SLC18B1: variants seen among roughly 807,000 people sequenced by gnomAD.
SLC18B1 encodes MFS-type transporter SLC18B1.
A neutral mutation model predicts 53.9 loss-of-function variants in SLC18B1; 62 were observed. That is an observed-to-expected ratio of 1.15 (90% CI 0.94 to 1.42). The LOEUF (loss-of-function observed/expected upper bound fraction) is 1.42, where lower values mean the gene tolerates loss of function less well. Ranked by LOEUF, SLC18B1 falls within the 40% of genes most tolerant of loss-of-function variation. The probability of loss-of-function intolerance (pLI) is 0.00; values close to 1 mark genes in which losing one functional copy is unlikely to be tolerated. For synonymous variants in SLC18B1, 217 were observed against 200.9 expected, an observed-to-expected ratio of 1.08 and a Z score of -0.68; for missense variants, 598 against 547.3, an observed-to-expected ratio of 1.09 and a Z score of -0.93.
chr6:132,795,082 G>A (rs1009192641), intron 2 of SLC18B1, among the ~76,000 whole-genome samples: 37 of 151,652 alleles, frequency 2.4e-4, no homozygotes, highest in African/African-American at 8.7e-4. Flanking sequence ...CACACTCCAT[G>A]TATGGCAGAA....
chr6:132,787,663 G>T, intron 4 of SLC18B1, 82 bp from the exon 5 acceptor site: 1 of 1,222,680 alleles, frequency 8.2e-7, no homozygotes, highest in Non-Finnish European at 1.1e-6. Flanking sequence ...TCACTAAAAA[G>T]AATAGTACCT....
intron 6 of SLC18B1, among the ~76,000 whole-genome samples, chr6:132,780,299 A>G (rs1476717778): frequency 2.6e-5 from 4 of 151,870 alleles, no homozygotes; most frequent in South Asian, 2.1e-4. Context: ...GGGTCTCCCT[A>G]TGTTGCCCAG....
In SLC18B1 at chr6:132,776,435, A is replaced by G. The variant is rs775355046; in HGVS notation, c.796-6T>C. 1.9e-6 allele frequency: 3 copies of G among 1,603,130 alleles called. No homozygotes were observed. Among genetic ancestry groups the G allele is most frequent in the Non-Finnish European group, 2.6e-6 (3 of 1,171,466 alleles). ...TATCCAGCTGGTAAATTGAACTGTA[A>G]AAGAAATCCTATATTAAAGTTACAT... On this transcript the variant is annotated splice_region_variant and splice_polypyrimidine_tract_variant and intron_variant, in intron 7 of 13. Coordinates refer to ENST00000275227, the MANE Select transcript of SLC18B1 (RefSeq NM_052831.3).
intron 2 of SLC18B1, among the ~76,000 whole-genome samples, chr6:132,792,994 G>A (rs1371858749): frequency 2.6e-5 from 4 of 152,146 alleles, no homozygotes; most frequent in Non-Finnish European, 4.4e-5. Context: ...GGTGATGCGC[G>A]CCTGTAATCC....
At chr6:132,782,827 C>G (rs531605694) in intron 6 of SLC18B1, among the ~76,000 whole-genome samples, 1 of 149,410 alleles carries the variant, frequency 6.7e-6, no homozygotes, top group Non-Finnish European at 1.5e-5. Flanking sequence ...CAGGCTGGAG[C>G]GCAGTGGCAT....
chr6:132,793,053 G>A (rs1280951084), intron 2 of SLC18B1, among the ~76,000 whole-genome samples: 2 of 152,114 alleles, frequency 1.3e-5, no homozygotes, highest in African/African-American at 2.4e-5. Context: ...CTCAGGAGGC[G>A]GAGGTTGCAG....
chr6:132,773,656 G>C (rs1259818790), intron 9 of SLC18B1, among the ~76,000 whole-genome samples: 7 of 152,286 alleles, frequency 4.6e-5, no homozygotes, highest in African/African-American at 1.7e-4. Flanking sequence ...TTAGTACATG[G>C]CAAAGCCAAA....
chr6:132,785,458 G>A (rs1471449480), intron 5 of SLC18B1, among the ~76,000 whole-genome samples: 2 of 152,186 alleles, frequency 1.3e-5, no homozygotes, highest in Non-Finnish European at 2.9e-5. Flanking sequence ...ACAGAGATCT[G>A]TGGCTTGCAG....
chr6:132,781,603 A>C (rs1246246649), intron 6 of SLC18B1, among the ~76,000 whole-genome samples: 1 of 152,044 alleles, frequency 6.6e-6, no homozygotes, highest in African/African-American at 2.4e-5. Flanking sequence ...CTAAAAATAC[A>C]AAAATCAGCC....
intron 6 of SLC18B1, among the ~76,000 whole-genome samples, chr6:132,781,689 G>A (rs1273956291): frequency 4.6e-5 from 7 of 151,496 alleles, no homozygotes; most frequent in Admixed American, 1.3e-4. Context: ...CCCGGGAGGC[G>A]GAGGTTGCAA....
intron 2 of SLC18B1, among the ~76,000 whole-genome samples, chr6:132,795,016 C>T (rs1336736775): frequency 6.6e-6 from 1 of 151,978 alleles, no homozygotes; most frequent in Non-Finnish European, 1.5e-5. Context: ...AAAAAAAAGC[C>T]CCAACTTAGA....
rs372330016 is a variant in SLC18B1 at position 132,788,093 on chromosome 6, G to A, written c.354-512C>T. On this transcript the variant is annotated intron_variant, in intron 4 of 13. Transcript: ENST00000275227. ...GGAGAATGGCATGAACCTGGGCGGC[G>A]CAGTTTGCAGTGAGCCGAGATCGTG... Among the ~76,000 whole-genome samples the A allele has an allele frequency of 7.7e-4, 117 of 151,564 alleles. 2 individuals are homozygous for A. Among genetic ancestry groups the A allele is most frequent in the Admixed American group, 5.8e-3 (88 of 15,212 alleles).
In SLC18B1 at chr6:132,773,698, C is replaced by A. The variant is rs547310969; in HGVS notation, c.989+524G>T. Among the ~76,000 whole-genome samples the A allele has an allele frequency of 5.3e-5, 8 of 152,200 alleles. No homozygotes were observed. The South Asian group carries it at 1.7e-3, about 32-fold the overall frequency. Reference sequence around the variant, plus strand: ...ACTCAGGTCTGAAGGACTCTGAAACCCCTTCCTTTCCAGGTTACTATGTTT... The same window carrying A: ...ACTCAGGTCTGAAGGACTCTGAAACACCTTCCTTTCCAGGTTACTATGTTT... On this transcript the variant is annotated intron_variant, in intron 9 of 13. Coordinates refer to ENST00000275227, the MANE Select transcript of SLC18B1 (RefSeq NM_052831.3).
At chr6:132,781,764 AAAAAAG>A (rs1407726222) in intron 6 of SLC18B1, among the ~76,000 whole-genome samples, 14 of 151,958 alleles carry the variant, frequency 9.2e-5, no homozygotes, top group African/African-American at 2.9e-4. Flanking sequence ...CTTTAAAAAA[AAAAAAG>A]AAAAGAAAAG....
chr6:132,776,490 C>G, intron 7 of SLC18B1, 61 bp from the exon 8 acceptor site: 6 of 1,195,164 alleles, frequency 5.0e-6, no homozygotes, highest in Non-Finnish European at 6.1e-6. Context: ...AAACATCCCT[C>G]TTTTCCCTCT....
chr6:132,784,326 A>T (rs1394911991), intron 5 of SLC18B1, among the ~76,000 whole-genome samples: 1 of 152,180 alleles, frequency 6.6e-6, no homozygotes, highest in Non-Finnish European at 1.5e-5. Context: ...AAAACACAGA[A>T]GATAAAAAAG....
intron 4 of SLC18B1, among the ~76,000 whole-genome samples, chr6:132,788,819 T>C (rs1262723128): frequency 8.4e-6 from 1 of 118,368 alleles, no homozygotes; most frequent in Non-Finnish European, 1.6e-5. Context: ...TGAGACTCCA[T>C]CTCAAAAAGA....
At chr6:132,797,611 AAAAC>A (rs1192087393) in intron 1 of SLC18B1, among the ~76,000 whole-genome samples, 35 of 151,598 alleles carry the variant, frequency 2.3e-4, no homozygotes, top group Admixed American at 1.4e-3. Context: ...AAAGCAAAAC[AAAAC>A]AAACAAACAA....
chr6:132,776,526 T>A (rs59718818), intron 7 of SLC18B1, 97 bp from the exon 8 acceptor site: 58,382 of 803,240 alleles, frequency 0.073, 4,004 homozygotes, highest in African/African-American at 0.3. Flanking sequence ...CTTATTACCA[T>A]GAGTCTACTA....
Sources: allele counts gnomAD v4.1 joint callset (sites outside exome capture counted in the v4.1 genomes callset), GRCh38; gene constraint gnomAD v4.1.1; transcripts MANE v1.5; gene names NCBI Gene and HGNC (gene_info 2026-07-23, HGNC 2026-07-21).